The following GADD45GIP1 variants were observed in gnomAD, a reference collection of about 807,000 sequenced individuals.
GADD45GIP1 encodes large ribosomal subunit protein mL64.
Under a neutral mutation model 22.1 loss-of-function variants are expected in GADD45GIP1, and 17 were observed. The ratio of observed to expected loss-of-function variants is 0.77; its 90% CI spans 0.53 to 1.15. GADD45GIP1 has a LOEUF of 1.15. Ranked by LOEUF, GADD45GIP1 falls within the 50% of genes most tolerant of loss-of-function variation. The pLI, the probability that GADD45GIP1 is intolerant of heterozygous loss-of-function variation, is 0.00. For missense variants in GADD45GIP1, 294 were observed against 314.0 expected (o/e 0.94, Z 0.48); for synonymous variants, 135 against 138.4 (o/e 0.98, Z 0.17).
chr19:12,953,820 AC>A lies in GADD45GIP1; in HGVS notation c.*387del, dbSNP rs747902444. On this transcript the variant is annotated 3_prime_UTR_variant, in exon 2 of 2. Coordinates refer to ENST00000316939, the MANE Select transcript of GADD45GIP1 (RefSeq NM_052850.4). ...CCAGTGTGTCATTTCCAGGCAGTGG[AC>A]CCCAGCCCAACGTTACAAGGACTGC... 3.3e-4 allele frequency: 58 copies of A among 177,966 alleles called. No homozygotes were observed. Among genetic ancestry groups the A allele is most frequent in the Admixed American group, 2.8e-3 (47 of 16,948 alleles). 11.0% of individuals were successfully genotyped at this position (177,966 alleles called of 1,614,324 possible). A position where few individuals can be genotyped will look rare whatever the true frequency, so the allele number is the denominator to read the frequency against.
rs1264512947 is a variant in GADD45GIP1 at position 12,953,154 on chromosome 19, A to G, written c.*1054T>C. 1.0e-5 allele frequency: 8 copies of G among 794,138 alleles called. No homozygotes were observed. The highest frequency in any genetic ancestry group is 1.5e-5 in the Non-Finnish European group (8 of 529,424). 49.2% of individuals were successfully genotyped at this position (794,138 alleles called of 1,614,324 possible). On this transcript the variant is annotated 3_prime_UTR_variant, in exon 2 of 2. Coordinates refer to ENST00000316939, the MANE Select transcript of GADD45GIP1 (RefSeq NM_052850.4). ...TTCATGTTTATTTAAGAAATGGAAA[A>G]AAAAATCAAAAATCTTAAAAAAACA...
chr19:12,955,572 T>C (rs1465531949), intron 1 of GADD45GIP1, among the ~76,000 whole-genome samples: 1 of 152,162 alleles, frequency 6.6e-6, no homozygotes, highest in Non-Finnish European at 1.5e-5. Context: ...GAGATGCCCC[T>C]GGTCTGGCCC....
rs1971896252 is a variant in GADD45GIP1 at position 12,954,356 on chromosome 19, C to CGGGCACTCCTTG, written c.509_520dup (p.Pro170_Ala173dup). On this transcript the variant is annotated inframe_insertion, in exon 2 of 2. Coordinates refer to ENST00000316939, the MANE Select transcript of GADD45GIP1 (RefSeq NM_052850.4). ...TAGGTCCTGGAGCAGCTCCTGGAAG[C>CGGGCACTCCTTG]GGGCACTCCTTGGGTCCACCTGGTA... The CGGGCACTCCTTG allele has an allele frequency of 6.2e-7, 1 of 1,614,012 alleles. No individual in the cohort carries two copies. The highest frequency in any genetic ancestry group is 1.3e-5 in the African/African-American group (1 of 74,896).
intron 1 of GADD45GIP1, among the ~76,000 whole-genome samples, chr19:12,956,448 G>C (rs1339627031): frequency 6.6e-6 from 1 of 152,188 alleles, no homozygotes; most frequent in Non-Finnish European, 1.5e-5. Flanking sequence ...GAAGTAAGGA[G>C]TTTGAGACCA....
chr19:12,955,409 A>G (rs770645367), intron 1 of GADD45GIP1, among the ~76,000 whole-genome samples: 6 of 152,172 alleles, frequency 3.9e-5, no homozygotes, highest in Non-Finnish European at 8.8e-5. Flanking sequence ...GATCAGACGC[A>G]TGACTTCACT....
At position 12,957,208 on chromosome 19, in the gene GADD45GIP1, G is replaced by A. The variant is rs1971937120; in HGVS notation, c.5C>T (p.Ala2Val). ...GCTGCGTGCCTGTCGCACGGACGCC[G>A]CCATCTTGGCTGTGCGGGGTCCTCA... The part of the protein sequence containing the change: M[A>V]ASVRQARSLL... The change falls in exon 1 of 2, where the codon GCG (alanine) becomes GTG (valine). Residue 2 changes from alanine (A) to valine (V), a missense_variant. Transcript: ENST00000316939. The A allele has an allele frequency of 2.9e-6, 4 of 1,392,914 alleles. No homozygotes were observed. The highest frequency in any genetic ancestry group is 2.8e-6 in the Non-Finnish European group (3 of 1,082,928). The allele number at this position is 1,392,914 out of a possible 1,614,324, so 86.3% of individuals were successfully genotyped here.
rs1427142177 is a variant in GADD45GIP1 at position 12,953,253 on chromosome 19, C to T, written c.*955G>A. On this transcript the variant is annotated 3_prime_UTR_variant, in exon 2 of 2. Transcript: ENST00000316939. ...CTCCCGGGCCAGACAGCTGTCCCCC[C>T]GTCCTCCTCCCCAGCCCAGCCTGCT... 13 of 417,592 alleles carry T rather than the reference C, an allele frequency of 3.1e-5. No individual in the cohort carries two copies. Among genetic ancestry groups the T allele is most frequent in the Non-Finnish European group, 4.6e-5 (11 of 241,340 alleles). The allele number at this position is 417,592 out of a possible 1,614,324, so 25.9% of individuals were successfully genotyped here. A position where few individuals can be genotyped will look rare whatever the true frequency, so the allele number is the denominator to read the frequency against.
chr19:12,954,094 G>C lies in GADD45GIP1; in HGVS notation c.*114C>G. 2 of 906,714 alleles carry C rather than the reference G, an allele frequency of 2.2e-6. No homozygotes were observed. The highest frequency in any genetic ancestry group is 1.6e-5 in the South Asian group (1 of 61,678). The allele number at this position is 906,714 out of a possible 1,614,324, so 56.2% of individuals were successfully genotyped here. A position where few individuals can be genotyped will look rare whatever the true frequency, so the allele number is the denominator to read the frequency against. Reference sequence around the variant, plus strand: ...GTACAGCCAAGTGGGGGATTCCCCAGCTCTTAAGTATTGGGGGAGGAACCA... The same window carrying C: ...GTACAGCCAAGTGGGGGATTCCCCACCTCTTAAGTATTGGGGGAGGAACCA... On this transcript the variant is annotated 3_prime_UTR_variant, in exon 2 of 2. Transcript: ENST00000316939.
At position 12,957,047 on chromosome 19, in the gene GADD45GIP1, A is replaced by T; in HGVS notation, c.166T>A (p.Tyr56Asn). 1 of 1,583,664 alleles carries T rather than the reference A, an allele frequency of 6.3e-7. No individual in the cohort carries two copies. The change falls in exon 1 of 2, where the codon TAC becomes AAC. Residue 56 changes from tyrosine to asparagine, a missense_variant. Physicochemically the swap from Tyr to Asn is moderately radical, Grantham distance 143. Transcript: ENST00000316939. Reference sequence around the variant, plus strand: ...TAACGCGCGAACTGCTTAGCCGCGTAGCGCGGTCCCAGCTGCCACCGCGGG... The same window carrying T: ...TAACGCGCGAACTGCTTAGCCGCGTTGCGCGGTCCCAGCTGCCACCGCGGG... ...LTPRWQLGPR[Y>N]AAKQFARYGA...
rs1361902737 is a variant in GADD45GIP1 at position 12,954,417 on chromosome 19, CCCT to C, written c.457_459del (p.Arg153del). On this transcript the variant is annotated inframe_deletion, in exon 2 of 2. Transcript: ENST00000316939. ...TCCTGGGCCTCAGCCTGCAGTCGGGCCCTCCTCTCCTTGTCAGCCTGGGCCTTC... is the reference window on the plus strand; with the variant it reads ...TCCTGGGCCTCAGCCTGCAGTCGGGCCCTCTCCTTGTCAGCCTGGGCCTTC... 6.2e-7 allele frequency: 1 copy of C among 1,614,182 alleles called. No individual in the cohort carries two copies. Among genetic ancestry groups the C allele is most frequent in the Non-Finnish European group, 8.5e-7 (1 of 1,180,012 alleles).
At position 12,954,268 on chromosome 19, in the gene GADD45GIP1, A is replaced by T. The variant is rs771168202; in HGVS notation, c.609T>A (p.Ala203=). ...GAGCCACAGCTGCAGCCAATGCAGC[A>T]GCTCGCGCCTCCTTCTTCCGTTTCT... ...EKQKRKKEAR[A]AALAAAVAQD... Residue 203 remains alanine, a synonymous_variant, in exon 2 of 2, where the codon GCT becomes GCA. Coordinates refer to ENST00000316939, the MANE Select transcript of GADD45GIP1 (RefSeq NM_052850.4). The T allele has an allele frequency of 6.2e-7, 1 of 1,614,186 alleles. No homozygotes were observed.
In GADD45GIP1 at chr19:12,953,251, C is replaced by T. The variant is rs1380006373; in HGVS notation, c.*957G>A. 1 of 423,284 alleles carries T rather than the reference C, an allele frequency of 2.4e-6. No individual in the cohort carries two copies. The highest frequency in any genetic ancestry group is 4.1e-6 in the Non-Finnish European group (1 of 244,884). The allele number at this position is 423,284 out of a possible 1,614,324, so 26.2% of individuals were successfully genotyped here. On this transcript the variant is annotated 3_prime_UTR_variant, in exon 2 of 2. Coordinates refer to ENST00000316939, the MANE Select transcript of GADD45GIP1 (RefSeq NM_052850.4). The stretch of plus-strand genomic sequence containing the variant: ...ATCTCCCGGGCCAGACAGCTGTCCC[C>T]CCGTCCTCCTCCCCAGCCCAGCCTG...
chr19:12,955,981 TG>T (rs776036415), intron 1 of GADD45GIP1, among the ~76,000 whole-genome samples: 64 of 152,338 alleles, frequency 4.2e-4, no homozygotes, highest in Non-Finnish European at 8.2e-4. Context: ...CCAGCCACAC[TG>T]GCTTCCTGGC....
chr19:12,956,913 C>G lies in GADD45GIP1; in HGVS notation c.300G>C (p.Gln100His), dbSNP rs1313029762. The G allele has an allele frequency of 1.3e-6, 2 of 1,599,870 alleles. No homozygotes were observed. The highest frequency in any genetic ancestry group is 1.7e-6 in the Non-Finnish European group (2 of 1,179,806). The part of the protein sequence containing the change: ...REWYPSLATM[Q>H]ESLRVKQLAE... ...CCAGCTGCTTCACCCGCAGCGACTC[C>G]TGCATGGTCGCCAGGCTCGGGTACC... Residue 100 changes from glutamine to histidine, a missense_variant, in exon 1 of 2, where the codon CAG becomes CAC. Coordinates refer to ENST00000316939, the MANE Select transcript of GADD45GIP1 (RefSeq NM_052850.4).
chr19:12,957,160 A>G lies in GADD45GIP1; in HGVS notation c.53T>C (p.Leu18Pro). The G allele has an allele frequency of 7.0e-7, 1 of 1,420,324 alleles. No individual in the cohort carries two copies. Among genetic ancestry groups the G allele is most frequent in the Non-Finnish European group, 9.1e-7 (1 of 1,100,984 alleles). 88.0% of individuals were successfully genotyped at this position (1,420,324 alleles called of 1,614,324 possible). A position where few individuals can be genotyped will look rare whatever the true frequency, so the allele number is the denominator to read the frequency against. ...CCGGTAGCCACGGGAACCCGGGGCC[A>G]GGGTCGCCGCCACACCTAGTAGGCT... ...ARSLLGVAAT[L>P]APGSRGYRAR... The change falls in exon 1 of 2, where the codon CTG becomes CCG. Residue 18 changes from leucine (L) to proline (P), a missense_variant. Leu to Pro is a moderately conservative substitution (Grantham distance 98). Coordinates refer to ENST00000316939, the MANE Select transcript of GADD45GIP1 (RefSeq NM_052850.4).
Position 12,956,949 on chromosome 19 carries a change from T to C in GADD45GIP1, c.264A>G (p.Glu88=). The part of the protein sequence containing the change: ...SPEQLRELEA[E]EREWYPSLAT... The stretch of plus-strand genomic sequence containing the variant: ...CCAGGCTCGGGTACCATTCGCGTTC[T>C]TCGGCCTCCAGCTCCCGCAGCTGCT... Residue 88 remains glutamate, a synonymous_variant, in exon 1 of 2, where the codon GAA becomes GAG. Transcript: ENST00000316939. The C allele has an allele frequency of 6.3e-7, 1 of 1,599,494 alleles. No individual in the cohort carries two copies. The highest frequency in any genetic ancestry group is 8.5e-7 in the Non-Finnish European group (1 of 1,179,758).
rs754023068 is a variant in GADD45GIP1 at position 12,956,870 on chromosome 19, G to C, written c.343C>G (p.Arg115Gly). The change falls in exon 1 of 2, where the codon CGG (arginine) becomes GGG (glycine). Residue 115 changes from arginine to glycine, a missense_variant. Coordinates refer to ENST00000316939, the MANE Select transcript of GADD45GIP1 (RefSeq NM_052850.4). Reference protein sequence around the residue: ...VKQLAEEQKRREREQHIAECM... With the variant: ...VKQLAEEQKRGEREQHIAECM... ...CTGCCTGCACGCACGCACCTCTCCC[G>C]ACGCTTCTGCTCTTCGGCCAGCTGC... The C allele has an allele frequency of 1.1e-5, 18 of 1,597,620 alleles. No individual in the cohort carries two copies. The East Asian group carries it at 4.0e-4, about 36-fold the overall frequency.
chr19:12,955,654 G>GT (rs1204267084), intron 1 of GADD45GIP1, among the ~76,000 whole-genome samples: 1 of 152,014 alleles, frequency 6.6e-6, no homozygotes, highest in Non-Finnish European at 1.5e-5. Context: ...GAGGTCAGGA[G>GT]TTTGAGACCA....
At chr19:12,955,828 G>T (rs748731419) in intron 1 of GADD45GIP1, among the ~76,000 whole-genome samples, 69 of 151,898 alleles carry the variant, frequency 4.5e-4, no homozygotes, top group Non-Finnish European at 9.4e-4. Context: ...ACTCCAGCCT[G>T]GGCAACAAGA....
Sources: allele counts gnomAD v4.1 joint callset (sites outside exome capture counted in the v4.1 genomes callset), GRCh38; gene constraint gnomAD v4.1.1; transcripts MANE v1.5; gene names NCBI Gene and HGNC (gene_info 2026-07-23, HGNC 2026-07-21).